FAM178B: variants seen among roughly 807,000 people sequenced by gnomAD.
The protein encoded by FAM178B is family with sequence similarity 178 member B, also known as protein FAM178B.
FAM178B carries 82 observed loss-of-function variants against 91.7 expected under a neutral mutation model. The observed-to-expected ratio is 0.89, with a 90% CI of 0.75 to 1.07. The LOEUF (loss-of-function observed/expected upper bound fraction) is 1.07, where lower values mean the gene tolerates loss of function less well. Among genes scored for constraint, FAM178B ranks in the 50% least tolerant of loss-of-function variants. FAM178B has a pLI of 0.00. For synonymous variants in FAM178B, 368 were observed against 359.4 expected, an observed-to-expected ratio of 1.02 and a Z score of -0.27; for missense variants, 769 against 846.7, an observed-to-expected ratio of 0.91 and a Z score of 1.14.
chr2:96,908,694 T>C (rs752227381), intron 12 of FAM178B, among the ~76,000 whole-genome samples: 6 of 152,204 alleles, frequency 3.9e-5, no homozygotes, highest in Non-Finnish European at 8.8e-5. Context: ...ATGGATGATC[T>C]CTTTTGCAAA....
chr2:96,899,057 G>C (rs2080876163), intron 13 of FAM178B, among the ~76,000 whole-genome samples: 1 of 152,242 alleles, frequency 6.6e-6, no homozygotes, highest in South Asian at 2.1e-4. Context: ...CTGGAAAGGG[G>C]AGTGCCTGGC....
intron 13 of FAM178B, among the ~76,000 whole-genome samples, chr2:96,899,851 CTTTT>C (rs78433909): frequency 4.4e-5 from 5 of 113,508 alleles, no homozygotes; most frequent in Admixed American, 1.0e-4. Flanking sequence ...ATTCCCCACT[CTTTT>C]TTTTTTTTTT....
chr2:96,901,086 G>A (rs555225722), intron 13 of FAM178B, among the ~76,000 whole-genome samples: 4 of 152,114 alleles, frequency 2.6e-5, no homozygotes, highest in South Asian at 2.1e-4. Context: ...TCATCACCCC[G>A]TGAAGTGACG....
intron 13 of FAM178B, among the ~76,000 whole-genome samples, chr2:96,899,248 G>T (rs1415230885): frequency 6.6e-6 from 1 of 152,224 alleles, no homozygotes; most frequent in Non-Finnish European, 1.5e-5. Flanking sequence ...TCCAAGACCT[G>T]GCTCAGGGCA....
chr2:96,898,804 G>T (rs541357533), intron 13 of FAM178B, among the ~76,000 whole-genome samples: 1 of 152,332 alleles, frequency 6.6e-6, no homozygotes, highest in African/African-American at 2.4e-5. Context: ...CTGTGCTGTT[G>T]TACATGGGAG....
intron 6 of FAM178B, among the ~76,000 whole-genome samples, chr2:96,953,231 G>T (rs995664864): frequency 6.6e-6 from 1 of 152,202 alleles, no homozygotes; most frequent in African/African-American, 2.4e-5. Context: ...CGGTCACATG[G>T]AGACTTTCAG....
intron 1 of FAM178B, among the ~76,000 whole-genome samples, chr2:96,983,462 G>A (rs1158267395): frequency 3.3e-5 from 5 of 151,744 alleles, no homozygotes; most frequent in Admixed American, 1.3e-4. Context: ...ACATAGTCTC[G>A]CTCTGCTGCC....
intron 16 of FAM178B, 96 bp downstream of exon 16, chr2:96,877,794 G>T: frequency 7.8e-7 from 1 of 1,286,252 alleles, no homozygotes; most frequent in Non-Finnish European, 1.1e-6. Flanking sequence ...CAGGAGCTCA[G>T]CAGCTGCAGC....
intron 9 of FAM178B, among the ~76,000 whole-genome samples, chr2:96,925,206 G>A (rs2081416697): frequency 6.6e-6 from 1 of 152,100 alleles, no homozygotes; most frequent in Non-Finnish European, 1.5e-5. Context: ...ACTCAGAGTC[G>A]ACTACAAACA....
intron 8 of FAM178B, among the ~76,000 whole-genome samples, chr2:96,931,241 G>C (rs2081533966): frequency 6.6e-6 from 1 of 152,250 alleles, no homozygotes; most frequent in South Asian, 2.1e-4. Flanking sequence ...CCACCCTGAG[G>C]ACCCACTTCA....
intron 14 of FAM178B, among the ~76,000 whole-genome samples, chr2:96,883,035 G>A (rs1274449694): frequency 6.6e-6 from 1 of 152,226 alleles, no homozygotes; most frequent in Admixed American, 6.5e-5. Context: ...TGGCTCTTCT[G>A]AGAAGTTCCA....
intron 5 of FAM178B, 78 bp from the exon 6 acceptor site, chr2:96,960,518 G>A: frequency 7.0e-7 from 1 of 1,434,710 alleles, no homozygotes; most frequent in South Asian, 1.4e-5. Flanking sequence ...GCCCAGGGAA[G>A]GATAGAGGGG....
At chr2:96,891,726 G>A (rs1489142364) in intron 14 of FAM178B, among the ~76,000 whole-genome samples, 2 of 152,218 alleles carry the variant, frequency 1.3e-5, no homozygotes, top group Non-Finnish European at 2.9e-5. Context: ...GCAGCCAGAG[G>A]AGGTGGGGAA....
chr2:96,887,979 G>A (rs1036247889), intron 14 of FAM178B, among the ~76,000 whole-genome samples: 8 of 152,094 alleles, frequency 5.3e-5, no homozygotes, highest in African/African-American at 1.7e-4. Context: ...GCCTGCCTCC[G>A]CAGCTTAACT....
At chr2:96,883,583 G>A (rs2080443088) in intron 14 of FAM178B, among the ~76,000 whole-genome samples, 1 of 152,260 alleles carries the variant, frequency 6.6e-6, no homozygotes, top group African/African-American at 2.4e-5. Context: ...TGCGGGAGCA[G>A]GTCCAGCTAG....
intron 12 of FAM178B, among the ~76,000 whole-genome samples, chr2:96,909,759 C>T (rs142390899): frequency 6.6e-6 from 1 of 152,306 alleles, no homozygotes; most frequent in East Asian, 1.9e-4. Context: ...TCCATCATTA[C>T]AGTCTGTTGA....
intron 10 of FAM178B, among the ~76,000 whole-genome samples, chr2:96,922,620 G>C (rs2153370988): frequency 6.6e-6 from 1 of 152,228 alleles, no homozygotes; most frequent in East Asian, 1.9e-4. Context: ...AAAGTGCTAA[G>C]ATTACAGGCA....
intron 14 of FAM178B, among the ~76,000 whole-genome samples, chr2:96,889,048 G>C (rs1398867478): frequency 6.6e-6 from 1 of 152,218 alleles, no homozygotes; most frequent in African/African-American, 2.4e-5. Flanking sequence ...CTTGATCTGG[G>C]TGGTGCCCCC....
chr2:96,947,838 T>C lies in FAM178B; in HGVS notation c.1058A>G (p.Asp353Gly), dbSNP rs1335465463. The change falls in exon 8 of 17, where the codon GAT (aspartate) becomes GGT (glycine). Residue 353 changes from aspartate (D) to glycine (G), a missense_variant. Asp to Gly is a moderately conservative substitution (Grantham distance 94, BLOSUM62 -1). Transcript: ENST00000490605. Reference sequence around the variant, plus strand: ...CTGACCAGGCTGAAGGAAGATTCCATCCACAATGAGATCCCACAGAAGACC... The same window carrying C: ...CTGACCAGGCTGAAGGAAGATTCCACCCACAATGAGATCCCACAGAAGACC... ...AFGLLWDLIV[D>G]GIFLQPDEDK... is the part of the protein sequence containing the mutation. The C allele has an allele frequency of 1.9e-6, 3 of 1,545,518 alleles. No homozygotes were observed. In the African/African-American group the frequency reaches 4.1e-5, roughly 21 times the overall value.
Sources: gnomAD v4.1 joint callset for allele counts (sites outside exome capture counted in the v4.1 genomes callset) on GRCh38, gnomAD v4.1.1 for gene constraint, MANE v1.5 for transcripts, NCBI Gene and HGNC (gene_info 2026-07-23, HGNC 2026-07-21) for gene names.